SHISA6: variants seen among roughly 807,000 people sequenced by gnomAD.
SHISA6 encodes shisa family member 6.
A neutral mutation model predicts 47.9 loss-of-function variants in SHISA6; 22 were observed. That is an observed-to-expected ratio of 0.46 (90% CI 0.33 to 0.66). The LOEUF is 0.66. SHISA6 is among the 30% of genes least tolerant of loss of function. SHISA6 has a pLI of 0.02. For synonymous variants in SHISA6, 388 were observed against 337.8 expected, an observed-to-expected ratio of 1.15 and a Z score of -1.63; for missense variants, 680 against 764.6, an observed-to-expected ratio of 0.89 and a Z score of 1.30.
chr17:11,359,470 C>A (rs1326784116), intron 2 of SHISA6, among the ~76,000 whole-genome samples: 1 of 152,086 alleles, frequency 6.6e-6, no homozygotes, highest in Non-Finnish European at 1.5e-5. Context: ...AAGCTATGTC[C>A]CTCTCTGGCC....
At chr17:11,304,230 C>T (rs1254584404) in intron 2 of SHISA6, among the ~76,000 whole-genome samples, 1 of 152,178 alleles carries the variant, frequency 6.6e-6, no homozygotes. Flanking sequence ...GGGTCAGTGC[C>T]TGGAGTTGGA....
chr17:11,504,598 A>C (rs1184523679), intron 3 of SHISA6, among the ~76,000 whole-genome samples: 1 of 152,186 alleles, frequency 6.6e-6, no homozygotes, highest in Non-Finnish European at 1.5e-5. Flanking sequence ...CAGGCAGAAA[A>C]GAAGTGGGGG....
At chr17:11,376,028 T>C (rs1196532616) in intron 2 of SHISA6, among the ~76,000 whole-genome samples, 1 of 152,176 alleles carries the variant, frequency 6.6e-6, no homozygotes, top group Non-Finnish European at 1.5e-5. Context: ...AACTTTGGCT[T>C]AACTTCTGTT....
intron 3 of SHISA6, among the ~76,000 whole-genome samples, chr17:11,428,848 G>A (rs1314548814): frequency 3.5e-5 from 5 of 144,618 alleles, no homozygotes; most frequent in Non-Finnish European, 4.5e-5. Context: ...GCAGTGGCAC[G>A]ATCTCTGCTT....
chr17:11,520,275 A>G (rs940229590), intron 3 of SHISA6, among the ~76,000 whole-genome samples: 6 of 152,098 alleles, frequency 3.9e-5, no homozygotes, highest in African/African-American at 1.4e-4. Flanking sequence ...GCGCCCAACA[A>G]ATTTTTCCCC....
At chr17:11,261,095 G>A (rs368412583) in intron 1 of SHISA6, among the ~76,000 whole-genome samples, 2 of 151,850 alleles carry the variant, frequency 1.3e-5, no homozygotes, top group African/African-American at 2.4e-5. Flanking sequence ...ATGGAAGATG[G>A]AGAGGAACCA....
At chr17:11,479,203 A>C (rs12603361) in intron 3 of SHISA6, among the ~76,000 whole-genome samples, 15,020 of 151,998 alleles carry the variant, frequency 0.099, 798 homozygotes, top group Non-Finnish European at 0.12. Flanking sequence ...GCGCCATTGC[A>C]CTCCAGCCTG....
chr17:11,496,238 G>C (rs1567621363), intron 3 of SHISA6, among the ~76,000 whole-genome samples: 1 of 152,082 alleles, frequency 6.6e-6, no homozygotes, highest in Non-Finnish European at 1.5e-5. Context: ...TCTCTCACAT[G>C]GTTTTCCTCC....
At chr17:11,505,438 A>G (rs771661049) in intron 3 of SHISA6, among the ~76,000 whole-genome samples, 1 of 152,232 alleles carries the variant, frequency 6.6e-6, no homozygotes, top group Non-Finnish European at 1.5e-5. Flanking sequence ...GCTTTAGTGC[A>G]GGAAAATCCC....
At position 11,515,311 on chromosome 17, in the gene SHISA6, AAAAAGG is replaced by A. The variant is rs1156703765; in HGVS notation, c.896-36582_896-36577del. 2.2e-4 allele frequency among the ~76,000 whole-genome samples: 28 copies of A among 129,392 alleles called. 1 individual carries two copies. The highest frequency in any genetic ancestry group is 8.3e-4 in the African/African-American group (28 of 33,686). 84.9% of individuals were successfully genotyped at this position (129,392 alleles called of 152,430 possible). On this transcript the variant is annotated intron_variant, in intron 3 of 5. Coordinates refer to ENST00000441885, the MANE Select transcript of SHISA6 (RefSeq NM_207386.4). The stretch of plus-strand genomic sequence containing the variant: ...AAAGAAGAAAGAGGAAGGAAGAAAG[AAAAAGG>A]AAGGAAGGAAGGAAGGAAGGAAGGA...
At chr17:11,477,833 G>T (rs1190336869) in intron 3 of SHISA6, among the ~76,000 whole-genome samples, 1 of 151,320 alleles carries the variant, frequency 6.6e-6, no homozygotes, top group Non-Finnish European at 1.5e-5. Context: ...TGGACATCTG[G>T]GTTTGTTCCA....
At chr17:11,421,839 A>G (rs572124123) in intron 3 of SHISA6, among the ~76,000 whole-genome samples, 1 of 152,288 alleles carries the variant, frequency 6.6e-6, no homozygotes, top group South Asian at 2.1e-4. Flanking sequence ...TGTAGAAAAA[A>G]TAGGAGTGAG....
At chr17:11,510,864 A>C (rs1234613609) in intron 3 of SHISA6, among the ~76,000 whole-genome samples, 1 of 152,212 alleles carries the variant, frequency 6.6e-6, no homozygotes, top group Non-Finnish European at 1.5e-5. Flanking sequence ...AGTGCAGAAG[A>C]GTCAGCATCG....
chr17:11,492,713 C>T (rs1393415721), intron 3 of SHISA6, among the ~76,000 whole-genome samples: 1 of 152,166 alleles, frequency 6.6e-6, no homozygotes, highest in African/African-American at 2.4e-5. Flanking sequence ...GTTAAGGCAA[C>T]TGCAACCTCC....
In SHISA6 at chr17:11,241,291, G is replaced by GCGCCATCGCCAT. The variant is rs1907311636; in HGVS notation, c.-122_-121insATCGCCATCGCC. 2.2e-6 allele frequency: 1 copy of GCGCCATCGCCAT among 450,636 alleles called. No individual in the cohort carries two copies. Among genetic ancestry groups the GCGCCATCGCCAT allele is most frequent in the Non-Finnish European group, 2.9e-6 (1 of 342,938 alleles). The allele number at this position is 450,636 out of a possible 1,614,324, so 27.9% of individuals were successfully genotyped here. On this transcript the variant is annotated 5_prime_UTR_variant, in exon 1 of 6. Transcript: ENST00000441885. This position sits in a 1 kb window ranked among gnomAD's most constrained non-coding sequence, Gnocchi z 5.5. Reference sequence around the variant, plus strand: ...CGCCACTGCCGCCCGCGCCTCGATGGCGCCATCGCCCCGGAGCCGCTGACC... The same window carrying GCGCCATCGCCAT: ...CGCCACTGCCGCCCGCGCCTCGATGGCGCCATCGCCATCGCCATCGCCCCGGAGCCGCTGACC...
chr17:11,557,959 C>T lies in SHISA6; in HGVS notation c.1311C>T (p.Tyr437=), dbSNP rs771475091. ...RGLPDEFSMP[Y]DRILSDEQLL... ...TGCCAGATGAGTTCAGCATGCCCTA[C>T]GACCGCATCCTGTCCGACGAGCAGC... The change falls in exon 6 of 6, where the codon TAC becomes TAT. Residue 437 remains tyrosine, a synonymous_variant. Transcript: ENST00000441885. The T allele has an allele frequency of 3.5e-5, 54 of 1,551,372 alleles. No homozygotes were observed. Among genetic ancestry groups the T allele is most frequent in the Admixed American group, 2.2e-4 (11 of 50,982 alleles).
At position 11,559,431 on chromosome 17, in the gene SHISA6, A is replaced by G. The variant is rs1191910377; in HGVS notation, c.*1127A>G. 1 of 152,364 alleles carries G rather than the reference A, an allele frequency of 6.6e-6. No homozygotes were observed. Among genetic ancestry groups the G allele is most frequent in the African/African-American group, 2.4e-5 (1 of 41,420 alleles). The allele number at this position is 152,364 out of a possible 1,614,324, so 9.4% of individuals were successfully genotyped here. Reference sequence around the variant, plus strand: ...GAGAGCAGCTTTTCAGCCCCCAGACAAGGAGGATGAGAGGTGGTTGTCCTG... The same window carrying G: ...GAGAGCAGCTTTTCAGCCCCCAGACGAGGAGGATGAGAGGTGGTTGTCCTG... On this transcript the variant is annotated 3_prime_UTR_variant, in exon 6 of 6. Coordinates refer to ENST00000441885, the MANE Select transcript of SHISA6 (RefSeq NM_207386.4). This position sits in a 1 kb window ranked among gnomAD's most constrained non-coding sequence, Gnocchi z 4.4.
intron 3 of SHISA6, among the ~76,000 whole-genome samples, chr17:11,435,680 C>T (rs913777005): frequency 3.3e-5 from 5 of 152,144 alleles, no homozygotes; most frequent in Admixed American, 6.6e-5. Flanking sequence ...CAAATTCCTT[C>T]GGATGCCCCA....
intron 2 of SHISA6, among the ~76,000 whole-genome samples, chr17:11,303,510 G>A (rs966167737): frequency 6.6e-6 from 1 of 152,018 alleles, no homozygotes; most frequent in African/African-American, 2.4e-5. Flanking sequence ...TGTGAGCATG[G>A]TTGAGTGTGT....
Sources: allele counts gnomAD v4.1 joint callset (sites outside exome capture counted in the v4.1 genomes callset), GRCh38; gene constraint gnomAD v4.1.1; non-coding constraint Gnocchi (gnomAD v3.1); transcripts MANE v1.5; gene names NCBI Gene and HGNC (gene_info 2026-07-23, HGNC 2026-07-21).